COMMD10: variants seen among roughly 807,000 people sequenced by gnomAD.
COMMD10 encodes COMM domain containing 10, also known as COMM domain-containing protein 10.
COMMD10 carries 33 observed loss-of-function variants against 28.9 expected under a neutral mutation model. The ratio of observed to expected loss-of-function variants is 1.14; its 90% CI spans 0.87 to 1.53. The LOEUF (loss-of-function observed/expected upper bound fraction) is 1.53. Among genes scored for constraint, COMMD10 ranks in the 40% most tolerant of loss-of-function variants. The probability of loss-of-function intolerance (pLI) is 0.00; values close to 1 mark genes in which losing one functional copy is unlikely to be tolerated. For synonymous variants in COMMD10, 110 were observed against 81.7 expected (o/e 1.35, Z -1.87); for missense variants, 310 against 233.4 (o/e 1.33, Z -2.14).
At chr5:116,184,391 T>TC (rs1748073606) in intron 5 of COMMD10, among the ~76,000 whole-genome samples, 1 of 152,086 alleles carries the variant, frequency 6.6e-6, no homozygotes, top group Non-Finnish European at 1.5e-5. Context: ...GGCTTCTTTT[T>TC]CTCATGATCC....
At chr5:116,118,742 A>G (rs986994823) in intron 4 of COMMD10, among the ~76,000 whole-genome samples, 1 of 116,454 alleles carries the variant, frequency 8.6e-6, no homozygotes, top group African/African-American at 2.5e-5. Flanking sequence ...AAACAGATGG[A>G]AATTCTCCAG....
intron 5 of COMMD10, among the ~76,000 whole-genome samples, chr5:116,251,697 TG>T (rs1448356119): frequency 6.6e-6 from 1 of 151,230 alleles, no homozygotes; most frequent in Admixed American, 6.6e-5. Context: ...CTATCATTGA[TG>T]GACATTTGGG....
intron 5 of COMMD10, among the ~76,000 whole-genome samples, chr5:116,238,074 T>A (rs1336658308): frequency 6.6e-6 from 1 of 152,112 alleles, no homozygotes; most frequent in African/African-American, 2.4e-5. Flanking sequence ...AAAAACAAGG[T>A]CTGAAAATAG....
chr5:116,116,038 G>A (rs1022819982), intron 4 of COMMD10, among the ~76,000 whole-genome samples: 6 of 151,866 alleles, frequency 4.0e-5, no homozygotes, highest in East Asian at 3.9e-4. Context: ...TCTTTATTTC[G>A]CCAAGTACAT....
chr5:116,130,721 G>C (rs987781489), intron 4 of COMMD10, among the ~76,000 whole-genome samples: 1 of 152,050 alleles, frequency 6.6e-6, no homozygotes, highest in African/African-American at 2.4e-5. Context: ...TGGCTAAGGA[G>C]TTTTGTGAAT....
At chr5:116,146,044 G>C (rs967565209) in intron 5 of COMMD10, among the ~76,000 whole-genome samples, 1 of 151,826 alleles carries the variant, frequency 6.6e-6, no homozygotes, top group Non-Finnish European at 1.5e-5. Context: ...TATTTTCCAG[G>C]ATCACTCAGT....
intron 5 of COMMD10, among the ~76,000 whole-genome samples, chr5:116,166,232 AG>A (rs1371080844): frequency 7.8e-6 from 1 of 127,492 alleles, no homozygotes; most frequent in Non-Finnish European, 1.5e-5. Context: ...TAAGATGCAA[AG>A]ATTGTTTTTT....
chr5:116,195,651 A>G (rs919506291), intron 5 of COMMD10, among the ~76,000 whole-genome samples: 12 of 152,200 alleles, frequency 7.9e-5, no homozygotes, highest in African/African-American at 2.9e-4. Context: ...CTACTGAAAG[A>G]AATCATAGAT....
chr5:116,094,779 A>T (rs954756538), intron 4 of COMMD10, among the ~76,000 whole-genome samples: 3 of 152,218 alleles, frequency 2.0e-5, no homozygotes, highest in Non-Finnish European at 4.4e-5. Context: ...CTAAGTGTCC[A>T]TTAGTGGATG....
chr5:116,225,328 A>T (rs1749363365), intron 5 of COMMD10, among the ~76,000 whole-genome samples: 1 of 144,912 alleles, frequency 6.9e-6, no homozygotes, highest in South Asian at 2.2e-4. Flanking sequence ...AATTTCCTGA[A>T]GACTTTCCTG....
intron 5 of COMMD10, among the ~76,000 whole-genome samples, chr5:116,208,045 G>T (rs1386302795): frequency 2.0e-5 from 3 of 152,032 alleles, no homozygotes; most frequent in African/African-American, 7.2e-5. Flanking sequence ...TCTTGGTTGT[G>T]GTTGTACTGC....
At chr5:116,203,257 C>T (rs961976706) in intron 5 of COMMD10, among the ~76,000 whole-genome samples, 5 of 152,072 alleles carry the variant, frequency 3.3e-5, no homozygotes, top group East Asian at 1.9e-4. Context: ...ACCAAATCTA[C>T]GTCTGATTAG....
chr5:116,231,613 A>G (rs1749531261), intron 5 of COMMD10, among the ~76,000 whole-genome samples: 1 of 152,156 alleles, frequency 6.6e-6, no homozygotes, highest in South Asian at 2.1e-4. Context: ...TTTCTTAAAC[A>G]ATGGGCAAAA....
intron 5 of COMMD10, among the ~76,000 whole-genome samples, chr5:116,200,786 C>T (rs949624959): frequency 1.3e-5 from 2 of 151,930 alleles, no homozygotes; most frequent in African/African-American, 4.8e-5. Flanking sequence ...TCTTCTTGTA[C>T]TTCCCATCTG....
intron 4 of COMMD10, among the ~76,000 whole-genome samples, chr5:116,102,902 G>A (rs942621255): frequency 2.6e-5 from 4 of 152,022 alleles, no homozygotes; most frequent in Non-Finnish European, 5.9e-5. Context: ...CCCCTTATGA[G>A]TGAGAACATG....
intron 5 of COMMD10, among the ~76,000 whole-genome samples, chr5:116,144,592 CAGG>C (rs1752287109): frequency 6.7e-6 from 1 of 148,948 alleles, no homozygotes; most frequent in Non-Finnish European, 1.5e-5. Flanking sequence ...GTTTGTGGGA[CAGG>C]AGAAGGAAAT....
intron 4 of COMMD10, among the ~76,000 whole-genome samples, chr5:116,127,451 A>T (rs1390737611): frequency 6.6e-6 from 1 of 152,230 alleles, no homozygotes; most frequent in Non-Finnish European, 1.5e-5. Context: ...ATTATAAATC[A>T]TGCTGCTATA....
intron 4 of COMMD10, among the ~76,000 whole-genome samples, chr5:116,103,923 T>G (rs1449438465): frequency 6.6e-6 from 1 of 152,220 alleles, no homozygotes; most frequent in Non-Finnish European, 1.5e-5. Flanking sequence ...CCCCATTTCT[T>G]GTTTTTGTCA....
At chr5:116,198,917 A>T (rs767377317) in intron 5 of COMMD10, among the ~76,000 whole-genome samples, 2 of 152,188 alleles carry the variant, frequency 1.3e-5, no homozygotes, top group Non-Finnish European at 2.9e-5. Context: ...CTGCTGTACC[A>T]TCCATGTGCA....
Sources: allele counts gnomAD v4.1 joint callset (sites outside exome capture counted in the v4.1 genomes callset), GRCh38; gene constraint gnomAD v4.1.1; transcripts MANE v1.5; gene names NCBI Gene and HGNC (gene_info 2026-07-23, HGNC 2026-07-21).